The following PDCD1LG2 variants were observed in gnomAD, a reference collection of about 807,000 sequenced individuals.
The protein encoded by PDCD1LG2 is B7 dendritic cell molecule.
Under a neutral mutation model 28.2 loss-of-function variants are expected in PDCD1LG2, and 32 were observed. The ratio of observed to expected loss-of-function variants is 1.13; its 90% CI spans 0.86 to 1.52. The LOEUF is 1.52. Ranked by LOEUF, PDCD1LG2 falls within the 40% of genes most tolerant of loss-of-function variation. The pLI, the probability that PDCD1LG2 is intolerant of heterozygous loss-of-function variation, is 0.00. For synonymous variants in PDCD1LG2, 116 were observed against 120.2 expected (o/e 0.97, Z 0.23); for missense variants, 385 against 323.8 (o/e 1.19, Z -1.45).
chr9:5,565,249 C>T (rs371710178), intron 6 of PDCD1LG2, among the ~76,000 whole-genome samples: 132 of 152,250 alleles, frequency 8.7e-4, no homozygotes, highest in African/African-American at 2.8e-3. Context: ...GTGGTATGAC[C>T]GTGGCTCACT....
intron 4 of PDCD1LG2, among the ~76,000 whole-genome samples, chr9:5,556,088 C>T (rs1033303396): frequency 7.9e-5 from 12 of 152,154 alleles, no homozygotes. Flanking sequence ...TTAGATAAGG[C>T]CTTTGCCCTC....
At chr9:5,536,685 T>C (rs1437311779) in intron 3 of PDCD1LG2, among the ~76,000 whole-genome samples, 1 of 152,230 alleles carries the variant, frequency 6.6e-6, no homozygotes, top group African/African-American at 2.4e-5. Context: ...CCCTGCCTAC[T>C]CCTTACCTAG....
At chr9:5,540,817 T>C (rs972307147) in intron 3 of PDCD1LG2, among the ~76,000 whole-genome samples, 1 of 152,154 alleles carries the variant, frequency 6.6e-6, no homozygotes, top group African/African-American at 2.4e-5. Flanking sequence ...CTATTGACAC[T>C]ATTCCATGGG....
chr9:5,557,601 G>A lies in PDCD1LG2; in HGVS notation c.632-17G>A. ...AGTTGCCATGTAACAGGATTCTGGT[G>A]CTTTTCCTTTGCCCAGGTCAGATGG... On this transcript the variant is annotated splice_polypyrimidine_tract_variant and intron_variant, in intron 4 of 6. Transcript: ENST00000397747. 2 of 1,613,750 alleles carry A rather than the reference G, an allele frequency of 1.2e-6. No homozygotes were observed. The highest frequency in any genetic ancestry group is 1.7e-6 in the Non-Finnish European group (2 of 1,179,768).
At chr9:5,528,445 G>T (rs1820420630) in intron 2 of PDCD1LG2, among the ~76,000 whole-genome samples, 1 of 150,998 alleles carries the variant, frequency 6.6e-6, no homozygotes, top group African/African-American at 2.4e-5. Context: ...GGGACTACAG[G>T]CCATGCCACC....
In PDCD1LG2 at chr9:5,571,213, G is replaced by T. The variant is rs1360510940; in HGVS notation, c.*1254G>T. ...AGTTTCTCAATTCTCATGTAAATCAGAGAATGCCTTTAAAGAATAAAACTC... is the reference window on the plus strand; with the variant it reads ...AGTTTCTCAATTCTCATGTAAATCATAGAATGCCTTTAAAGAATAAAACTC... On this transcript the variant is annotated 3_prime_UTR_variant, in exon 7 of 7. Transcript: ENST00000397747. The T allele has an allele frequency of 4.3e-6, 1 of 232,896 alleles. No individual in the cohort carries two copies. The highest frequency in any genetic ancestry group is 6.1e-5 in the East Asian group (1 of 16,500). The allele number at this position is 232,896 out of a possible 1,614,324, so 14.4% of individuals were successfully genotyped here.
intron 6 of PDCD1LG2, 77 bp downstream of exon 6, chr9:5,563,288 C>A (rs2129947913): frequency 1.6e-6 from 2 of 1,249,570 alleles, no homozygotes; most frequent in South Asian, 1.3e-5. Context: ...AACCACTGTT[C>A]TATTAATTCA....
At chr9:5,554,910 A>G (rs1816407145) in intron 4 of PDCD1LG2, among the ~76,000 whole-genome samples, 1 of 152,164 alleles carries the variant, frequency 6.6e-6, no homozygotes, top group South Asian at 2.1e-4. Flanking sequence ...CATGTGTAGC[A>G]TGAGGGTGAG....
In PDCD1LG2 at chr9:5,549,365, T is replaced by C; in HGVS notation, c.392T>C (p.Leu131Pro). The change falls in exon 4 of 7, where the codon CTA (leucine) becomes CCA (proline). Residue 131 changes from leucine (L) to proline (P), a missense_variant. Leu to Pro is a moderately conservative substitution (Grantham distance 98). Transcript: ENST00000397747. The part of the protein sequence containing the change: ...ASYRKINTHI[L>P]KVPETDEVEL... ...TACAGGAAAATAAACACTCACATCC[T>C]AAAGGTTCCAGAAACAGATGAGGTA... The C allele has an allele frequency of 2.5e-6, 4 of 1,614,074 alleles. No individual in the cohort carries two copies. The highest frequency in any genetic ancestry group is 3.4e-6 in the Non-Finnish European group (4 of 1,179,932).
chr9:5,531,821 G>T (rs547736101), intron 2 of PDCD1LG2, among the ~76,000 whole-genome samples: 1 of 152,268 alleles, frequency 6.6e-6, no homozygotes, highest in East Asian at 1.9e-4. Flanking sequence ...CCTGTTTCCT[G>T]TTTATCAAAT....
chr9:5,538,113 AT>A (rs1820617299), intron 3 of PDCD1LG2, among the ~76,000 whole-genome samples: 5 of 152,022 alleles, frequency 3.3e-5, no homozygotes, highest in Admixed American at 3.3e-4. Flanking sequence ...ACAGAGAAGA[AT>A]TTTTTCATTT....
intron 2 of PDCD1LG2, among the ~76,000 whole-genome samples, chr9:5,525,931 C>T (rs1820368908): frequency 6.6e-6 from 1 of 151,864 alleles, no homozygotes. Flanking sequence ...CCTGTAATCC[C>T]AGCTACTCGG....
At chr9:5,525,271 G>GGAGGTTGCAGTGAGCTAAGGCA (rs1205217465) in intron 2 of PDCD1LG2, among the ~76,000 whole-genome samples, 1 of 151,368 alleles carries the variant, frequency 6.6e-6, no homozygotes, top group East Asian at 1.9e-4. Context: ...CTTGAACCCA[G>GGAGGTTGCAGTGAGCTAAGGCA]GAGGCAGAGG....
At chr9:5,551,948 C>T (rs1041445594) in intron 4 of PDCD1LG2, among the ~76,000 whole-genome samples, 3 of 152,176 alleles carry the variant, frequency 2.0e-5, no homozygotes, top group African/African-American at 7.2e-5. Flanking sequence ...TGCTGTGGAT[C>T]CCAAGCCACA....
chr9:5,512,895 T>C (rs1347137822), intron 1 of PDCD1LG2, among the ~76,000 whole-genome samples: 1 of 152,214 alleles, frequency 6.6e-6, no homozygotes, highest in Non-Finnish European at 1.5e-5. Flanking sequence ...TTGTCTCTTG[T>C]GCATGGCTGA....
chr9:5,520,925 G>T (rs980569252), intron 1 of PDCD1LG2, among the ~76,000 whole-genome samples: 1 of 152,052 alleles, frequency 6.6e-6, no homozygotes, highest in African/African-American at 2.4e-5. Context: ...GTTTTCATAG[G>T]AACTTTATTC....
chr9:5,527,187 T>C (rs1264203280), intron 2 of PDCD1LG2, among the ~76,000 whole-genome samples: 1 of 152,228 alleles, frequency 6.6e-6, no homozygotes, highest in Non-Finnish European at 1.5e-5. Flanking sequence ...TTATATACCA[T>C]AACATTTATT....
chr9:5,512,082 G>C (rs1372688743), intron 1 of PDCD1LG2, among the ~76,000 whole-genome samples: 1 of 152,206 alleles, frequency 6.6e-6, no homozygotes, highest in Admixed American at 6.5e-5. Context: ...CAGTATTATG[G>C]GTCATGCTTC....
rs1816757455 is a variant in PDCD1LG2 at position 5,570,892 on chromosome 9, T to C, written c.*933T>C. 2 of 232,736 alleles carry C rather than the reference T, an allele frequency of 8.6e-6. No individual in the cohort carries two copies. Among genetic ancestry groups the C allele is most frequent in the South Asian group, 1.8e-4 (1 of 5,532 alleles). The allele number at this position is 232,736 out of a possible 1,614,324, so 14.4% of individuals were successfully genotyped here. On this transcript the variant is annotated 3_prime_UTR_variant, in exon 7 of 7. Transcript: ENST00000397747. Reference sequence around the variant, plus strand: ...ACATCTGTAATACAGCAATGCTAAGTAGTCAAGGCCTTTGATAATTGGCAC... The same window carrying C: ...ACATCTGTAATACAGCAATGCTAAGCAGTCAAGGCCTTTGATAATTGGCAC...
Sources: allele counts gnomAD v4.1 joint callset (sites outside exome capture counted in the v4.1 genomes callset), GRCh38; gene constraint gnomAD v4.1.1; transcripts MANE v1.5; gene names NCBI Gene and HGNC (gene_info 2026-07-23, HGNC 2026-07-21).